Variants in MAU2 observed in about 807,000 individuals in gnomAD.
MAU2 encodes MAU2 chromatid cohesion factor homolog.
MAU2 carries 9 observed loss-of-function variants against 89.1 expected under a neutral mutation model. The ratio of observed to expected loss-of-function variants is 0.10; its 90% CI spans 0.06 to 0.18. The LOEUF (loss-of-function observed/expected upper bound fraction) is 0.18, where lower values mean the gene tolerates loss of function less well. Ranked by LOEUF, MAU2 falls within the 10% of genes least tolerant of loss-of-function variation. MAU2 has a pLI of 1.00. For synonymous variants in MAU2, 357 were observed against 343.4 expected (o/e 1.04, Z -0.44); for missense variants, 425 against 803.5 (o/e 0.53, Z 5.69).
At position 19,348,706 on chromosome 19, in the gene MAU2, T is replaced by C. The variant is rs536768753; in HGVS notation, c.1309-183T>C. 99 of 688,040 alleles carry C rather than the reference T, an allele frequency of 1.4e-4. No homozygotes were observed. In the African/African-American group the frequency reaches 1.7e-3, roughly 12 times the overall value. The allele number at this position is 688,040 out of a possible 1,614,324, so 42.6% of individuals were successfully genotyped here. On this transcript the variant is annotated intron_variant, in intron 13 of 18. Transcript: ENST00000262815. Reference sequence around the variant, plus strand: ...TGGCACAGGCAGGGCTGGCTGAGGGTGTGGAAATCTTGCCCCCGGCCCTTC... The same window carrying C: ...TGGCACAGGCAGGGCTGGCTGAGGGCGTGGAAATCTTGCCCCCGGCCCTTC...
chr19:19,337,654 T>C (rs916850428), intron 4 of MAU2, among the ~76,000 whole-genome samples: 4 of 152,130 alleles, frequency 2.6e-5, no homozygotes, highest in African/African-American at 9.7e-5. Flanking sequence ...AGAGACCCAC[T>C]GTGGGTTTTT....
In MAU2 at chr19:19,337,341, G is replaced by A. The variant is rs766695109; in HGVS notation, c.456+76G>A. 65 of 1,180,656 alleles carry A rather than the reference G, an allele frequency of 5.5e-5. 1 individual carries two copies. The highest frequency in any genetic ancestry group is 7.9e-5 in the Non-Finnish European group (63 of 797,946). The allele number at this position is 1,180,656 out of a possible 1,614,324, so 73.1% of individuals were successfully genotyped here. A position where few individuals can be genotyped will look rare whatever the true frequency, so the allele number is the denominator to read the frequency against. On this transcript the variant is annotated intron_variant, in intron 4 of 18. Transcript: ENST00000262815. ...GGGGCACACCTGCCCCATTTGCAAA[G>A]AACAGCAGAGTCCACGATGCGCAGA...
At chr19:19,336,951 A>G (rs532038277) in intron 3 of MAU2, among the ~76,000 whole-genome samples, 2 of 152,348 alleles carry the variant, frequency 1.3e-5, no homozygotes, top group East Asian at 3.9e-4. Flanking sequence ...TTGAATGAGA[A>G]GTTATTTTAA....
rs747488586 is a variant in MAU2, at chr19:19,355,880, A to T, written c.*98A>T. On this transcript the variant is annotated 3_prime_UTR_variant, in exon 19 of 19. Coordinates refer to ENST00000262815, the MANE Select transcript of MAU2 (RefSeq NM_015329.4). ...GCCCCCGAGGCGTGCTTCCTTCCTG[A>T]TTGTCTCTAGAGCTTCCAAGTCCTG... 22 of 1,164,030 alleles carry T rather than the reference A, an allele frequency of 1.9e-5. No individual in the cohort carries two copies. In the African/African-American group the frequency reaches 3.3e-4, roughly 18 times the overall value. The allele number at this position is 1,164,030 out of a possible 1,614,324, so 72.1% of individuals were successfully genotyped here.
At chr19:19,326,722 A>ATG (rs2061510613) in intron 1 of MAU2, among the ~76,000 whole-genome samples, 1 of 38,560 alleles carries the variant, frequency 2.6e-5, no homozygotes, top group African/African-American at 6.1e-5. Flanking sequence ...ATATATATAC[A>ATG]TATATATATA....
intron 13 of MAU2, 28 bp from the exon 14 acceptor site, chr19:19,348,861 T>C: frequency 6.2e-7 from 1 of 1,612,960 alleles, no homozygotes; most frequent in South Asian, 1.1e-5. Context: ...AGATGCAGAA[T>C]GGTGCTGACT....
At chr19:19,334,300 G>T in intron 1 of MAU2, 4 of 985,522 alleles carry the variant, frequency 4.1e-6, no homozygotes, top group Non-Finnish European at 4.8e-6. Flanking sequence ...GCAGACGCTT[G>T]GGCTGGCAGA....
Position 19,342,700 on chromosome 19 carries a change from C to T in MAU2, c.882+19C>T. ...CTACCTGGTGCGTCCCCACCAGGGC[C>T]CGGGCCAGGGCTGGGGGCGGGGGCA... On this transcript the variant is annotated intron_variant, in intron 8 of 18. Transcript: ENST00000262815. 1 of 1,613,196 alleles carries T rather than the reference C, an allele frequency of 6.2e-7. No homozygotes were observed. The highest frequency in any genetic ancestry group is 8.5e-7 in the Non-Finnish European group (1 of 1,179,630).
At chr19:19,350,627 A>C (rs185936163) in intron 16 of MAU2, among the ~76,000 whole-genome samples, 1 of 150,554 alleles carries the variant, frequency 6.6e-6, no homozygotes, top group South Asian at 2.1e-4. Context: ...AAGGCCGGGC[A>C]TGGTGGCTCA....
intron 14 of MAU2, 78 bp downstream of exon 14, chr19:19,349,016 G>C: frequency 6.4e-7 from 1 of 1,568,538 alleles, no homozygotes; most frequent in Non-Finnish European, 8.7e-7. Context: ...ACTGCCCCTT[G>C]CACCCTGACA....
chr19:19,340,194 A>G (rs575541366), intron 5 of MAU2, among the ~76,000 whole-genome samples: 11 of 149,620 alleles, frequency 7.4e-5, no homozygotes, highest in Non-Finnish European at 1.3e-4. Context: ...TTAACCAGGC[A>G]TGGTGCCAGG....
rs375969783 is a variant in MAU2, at chr19:19,349,394, C to T, written c.1506C>T (p.Leu502=). The part of the protein sequence containing the change: ...EDLNRLTACS[L]VLLGHIFYVL... ...TGAACCGGCTCACAGCCTGCTCCCT[C>T]GTGCTTCTGGGCCACATCTTCTATG... The change falls in exon 16 of 19, where the codon CTC becomes CTT. Residue 502 remains leucine (L), a synonymous_variant. Coordinates refer to ENST00000262815, the MANE Select transcript of MAU2 (RefSeq NM_015329.4). The T allele has an allele frequency of 9.7e-5, 156 of 1,614,070 alleles. No homozygotes were observed. The highest frequency in any genetic ancestry group is 1.2e-4 in the Non-Finnish European group (136 of 1,180,054).
At chr19:19,339,188 G>T (rs947158906) in intron 5 of MAU2, among the ~76,000 whole-genome samples, 6 of 152,086 alleles carry the variant, frequency 3.9e-5, no homozygotes, top group African/African-American at 1.4e-4. Flanking sequence ...AGTGGCTTAC[G>T]CCTGTAATCC....
chr19:19,327,620 C>T (rs1469165479), intron 1 of MAU2, among the ~76,000 whole-genome samples: 3 of 152,098 alleles, frequency 2.0e-5, no homozygotes, highest in Admixed American at 1.3e-4. Flanking sequence ...CCACTGCGCC[C>T]GGCCTCTACT....
intron 16 of MAU2, chr19:19,352,775 A>G (rs1041218713): frequency 1.3e-5 from 2 of 152,334 alleles, no homozygotes; most frequent in Admixed American, 1.3e-4. Flanking sequence ...GGGGCATCTT[A>G]CAGAGCTCTT....
chr19:19,355,565 G>T (rs1445807145), intron 18 of MAU2, 143 bp from the exon 19 acceptor site: 3 of 1,189,402 alleles, frequency 2.5e-6, no homozygotes, highest in African/African-American at 3.0e-5. Context: ...AGGGACCCAG[G>T]TGTCTCCTCG....
intron 1 of MAU2, among the ~76,000 whole-genome samples, chr19:19,332,283 C>T (rs1363357018): frequency 6.6e-6 from 1 of 151,554 alleles, no homozygotes; most frequent in African/African-American, 2.4e-5. Flanking sequence ...ACGTCAGCCT[C>T]CCAAGTAACT....
intron 2 of MAU2, among the ~76,000 whole-genome samples, 186 bp downstream of exon 2, chr19:19,335,921 T>C (rs79055844): frequency 0.032 from 4,908 of 152,228 alleles, 262 homozygotes; most frequent in African/African-American, 0.11. Context: ...TTTGTGCTTC[T>C]CTTCGTACCT....
intron 1 of MAU2, among the ~76,000 whole-genome samples, chr19:19,322,318 G>A (rs1163705825): frequency 6.6e-6 from 1 of 152,132 alleles, no homozygotes; most frequent in Non-Finnish European, 1.5e-5. Flanking sequence ...ACTTTCTAGG[G>A]CCAGGCTCAG....
Sources: gnomAD v4.1 joint callset for allele counts (sites outside exome capture counted in the v4.1 genomes callset) on GRCh38, gnomAD v4.1.1 for gene constraint, MANE v1.5 for transcripts, NCBI Gene and HGNC (gene_info 2026-07-23, HGNC 2026-07-21) for gene names.